Variants in NRIP1 observed in about 807,000 individuals in gnomAD.
NRIP1 encodes the protein nuclear receptor interacting protein 1.
A neutral mutation model predicts 75.0 loss-of-function variants in NRIP1; 28 were observed. The observed-to-expected ratio is 0.37, with a 90% confidence interval of 0.28 to 0.51. The LOEUF (loss-of-function observed/expected upper bound fraction) is 0.51. NRIP1 is among the 20% of genes least tolerant of loss of function. The probability of loss-of-function intolerance (pLI) is 0.92; values close to 1 mark genes in which losing one functional copy is unlikely to be tolerated. For synonymous variants in NRIP1, 526 were observed against 487.6 expected, an observed-to-expected ratio of 1.08 and a Z score of -1.04; for missense variants, 1,435 against 1,343.7, an observed-to-expected ratio of 1.07 and a Z score of -1.06.
At chr21:15,052,792 C>T (rs149162344) in intron 1 of NRIP1, among the ~76,000 whole-genome samples, 69 of 152,198 alleles carry the variant, frequency 4.5e-4, no homozygotes, top group East Asian at 2.9e-3. Flanking sequence ...AAGTAACATG[C>T]TATCATTAAA....
At chr21:15,056,196 G>T (rs776399946) in intron 1 of NRIP1, among the ~76,000 whole-genome samples, 1 of 151,406 alleles carries the variant, frequency 6.6e-6, no homozygotes, top group Non-Finnish European at 1.5e-5. Flanking sequence ...CAGAGCAGCC[G>T]TAGCTTTTAT....
chr21:14,991,904 T>G (rs2087582430), intron 3 of NRIP1, among the ~76,000 whole-genome samples: 1 of 152,210 alleles, frequency 6.6e-6, no homozygotes, highest in Non-Finnish European at 1.5e-5. Context: ...TATTTACATC[T>G]GAGATAGCAA....
At chr21:15,046,855 T>C (rs1189879701) in intron 1 of NRIP1, among the ~76,000 whole-genome samples, 1 of 152,178 alleles carries the variant, frequency 6.6e-6, no homozygotes, top group African/African-American at 2.4e-5. Context: ...ATCCTTAAAC[T>C]TCATGAACAA....
At chr21:15,006,429 A>C (rs1200922244) in intron 3 of NRIP1, among the ~76,000 whole-genome samples, 1 of 152,224 alleles carries the variant, frequency 6.6e-6, no homozygotes, top group Non-Finnish European at 1.5e-5. Flanking sequence ...AGGTGAATAA[A>C]ATAGTCCTGG....
At chr21:15,041,641 A>G (rs1403994832) in intron 2 of NRIP1, among the ~76,000 whole-genome samples, 1 of 152,184 alleles carries the variant, frequency 6.6e-6, no homozygotes, top group East Asian at 1.9e-4. Context: ...TTTAATAAGA[A>G]TAACTATCAA....
intron 2 of NRIP1, among the ~76,000 whole-genome samples, chr21:15,031,040 G>C (rs4817587): frequency 6.5e-4 from 67 of 103,094 alleles, no homozygotes; most frequent in East Asian, 1.0e-3. Flanking sequence ...CTGGAAGGCG[G>C]TTGGAGGTTC....
chr21:15,049,126 G>T (rs1245619655), intron 1 of NRIP1, among the ~76,000 whole-genome samples: 1 of 151,942 alleles, frequency 6.6e-6, no homozygotes, highest in African/African-American at 2.4e-5. Flanking sequence ...ATACAATATA[G>T]GGCCATTATT....
chr21:15,044,016 G>A (rs915475328), intron 1 of NRIP1, among the ~76,000 whole-genome samples: 2 of 151,908 alleles, frequency 1.3e-5, no homozygotes, highest in African/African-American at 2.4e-5. Context: ...ACGAGTTTTC[G>A]CCATGTTGGC....
chr21:15,007,596 T>C (rs550006950), intron 3 of NRIP1, among the ~76,000 whole-genome samples: 211 of 152,352 alleles, frequency 1.4e-3, no homozygotes, highest in African/African-American at 5.0e-3. Context: ...TACTTTGAAC[T>C]ATCAACCTTC....
intron 3 of NRIP1, among the ~76,000 whole-genome samples, chr21:14,973,256 G>A (rs1480543019): frequency 6.6e-6 from 1 of 150,476 alleles, no homozygotes; most frequent in African/African-American, 2.4e-5. Context: ...ATACTAAAGG[G>A]ACAGAAAAAG....
chr21:15,009,449 T>A (rs2823007), intron 3 of NRIP1, among the ~76,000 whole-genome samples: 47,971 of 152,122 alleles, frequency 0.32, 10,869 homozygotes, highest in African/African-American at 0.62. Flanking sequence ...ACTAAAAAGA[T>A]GGCATGGACA....
intron 1 of NRIP1, 142 bp downstream of exon 1, chr21:15,064,603 C>A: frequency 6.6e-6 from 1 of 152,204 alleles, no homozygotes; most frequent in South Asian, 1.9e-4. Flanking sequence ...AGGATTTCCC[C>A]GGAAACGCGC....
chr21:15,039,254 T>C (rs745391091), intron 2 of NRIP1, among the ~76,000 whole-genome samples: 3 of 152,212 alleles, frequency 2.0e-5, no homozygotes, highest in East Asian at 3.9e-4. Flanking sequence ...GTGGAGGTAG[T>C]ATTATCAAAA....
intron 3 of NRIP1, among the ~76,000 whole-genome samples, chr21:14,977,786 A>G (rs1295144814): frequency 2.0e-5 from 3 of 152,238 alleles, no homozygotes; most frequent in Non-Finnish European, 4.4e-5. Context: ...TCTTTGAAGT[A>G]TTATCTTTAT....
At chr21:15,025,435 T>C (rs1417745896) in intron 2 of NRIP1, among the ~76,000 whole-genome samples, 6 of 152,032 alleles carry the variant, frequency 3.9e-5, no homozygotes, top group African/African-American at 1.2e-4. Context: ...GGCACCAAAA[T>C]AAGTTACAAT....
intron 2 of NRIP1, among the ~76,000 whole-genome samples, chr21:15,029,902 C>T (rs1278281849): frequency 1.3e-5 from 2 of 152,186 alleles, no homozygotes; most frequent in African/African-American, 2.4e-5. Context: ...ATGAGCAAAA[C>T]TCATATCCTC....
chr21:14,999,304 T>C (rs1252548399), intron 3 of NRIP1, among the ~76,000 whole-genome samples: 3 of 152,110 alleles, frequency 2.0e-5, no homozygotes, highest in African/African-American at 7.2e-5. Flanking sequence ...AGTTTTCTTC[T>C]CAAATTTTAA....
intron 3 of NRIP1, chr21:14,974,367 C>G (rs1383210567): frequency 2.0e-5 from 3 of 152,082 alleles, no homozygotes; most frequent in African/African-American, 7.2e-5. Context: ...TTGAAGAATT[C>G]AAAATGTGTT....
chr21:15,001,940 AG>A (rs1452276696), intron 3 of NRIP1, among the ~76,000 whole-genome samples: 1 of 152,090 alleles, frequency 6.6e-6, no homozygotes, highest in African/African-American at 2.4e-5. Context: ...AACACTTTAC[AG>A]GGTTTCATTA....
Sources: gnomAD v4.1 joint callset for allele counts (sites outside exome capture counted in the v4.1 genomes callset) on GRCh38, gnomAD v4.1.1 for gene constraint, MANE v1.5 for transcripts, NCBI Gene and HGNC (gene_info 2026-07-23, HGNC 2026-07-21) for gene names.